FAM168A: variants seen among roughly 807,000 people sequenced by gnomAD.
FAM168A encodes protein FAM168A.
Under a neutral mutation model 28.5 loss-of-function variants are expected in FAM168A, and 3 were observed. That is an observed-to-expected ratio of 0.11 (90% CI 0.05 to 0.27). The LOEUF (loss-of-function observed/expected upper bound fraction) is 0.27. Among genes scored for constraint, FAM168A ranks in the 10% least tolerant of loss-of-function variants. FAM168A has a pLI of 1.00. For synonymous variants in FAM168A, 122 were observed against 124.2 expected (o/e 0.98, Z 0.12); for missense variants, 222 against 311.5 (o/e 0.71, Z 2.16).
chr11:73,540,870 T>C (rs1943645003), intron 1 of FAM168A, among the ~76,000 whole-genome samples: 1 of 152,190 alleles, frequency 6.6e-6, no homozygotes, highest in African/African-American at 2.4e-5. Flanking sequence ...CTTTGAGCAG[T>C]GACCACTAGA....
At chr11:73,569,693 G>A (rs1002517004) in intron 1 of FAM168A, among the ~76,000 whole-genome samples, 16 of 151,914 alleles carry the variant, frequency 1.1e-4, no homozygotes, top group African/African-American at 2.9e-4. Flanking sequence ...GTGGTGATGC[G>A]CACCTGTGGT....
intron 1 of FAM168A, among the ~76,000 whole-genome samples, chr11:73,520,942 G>C (rs1263804823): frequency 6.6e-6 from 1 of 151,812 alleles, no homozygotes; most frequent in Non-Finnish European, 1.5e-5. Flanking sequence ...CGGGTTCCAG[G>C]AAACCACCTC....
At chr11:73,561,286 A>C (rs1943955690) in intron 1 of FAM168A, among the ~76,000 whole-genome samples, 1 of 152,030 alleles carries the variant, frequency 6.6e-6, no homozygotes, top group Non-Finnish European at 1.5e-5. Flanking sequence ...GAGGCAGGAG[A>C]ATCGCTTCAA....
chr11:73,445,090 T>G (rs1463961710), intron 2 of FAM168A, among the ~76,000 whole-genome samples: 2 of 152,088 alleles, frequency 1.3e-5, no homozygotes, highest in African/African-American at 4.8e-5. Flanking sequence ...AGAAACCCTG[T>G]CTCTACTAAA....
chr11:73,535,583 C>T (rs12788388), intron 1 of FAM168A, among the ~76,000 whole-genome samples: 27 of 151,816 alleles, frequency 1.8e-4, no homozygotes, highest in Non-Finnish European at 3.7e-4. Context: ...CCACACCCGG[C>T]TAATTTTTTG....
chr11:73,434,314 T>C (rs548143251), intron 2 of FAM168A, among the ~76,000 whole-genome samples: 9 of 152,210 alleles, frequency 5.9e-5, no homozygotes, highest in Non-Finnish European at 1.0e-4. Flanking sequence ...ATATTAAACA[T>C]AAAGTCTTCA....
At chr11:73,414,103 G>C (rs1866661070) in intron 4 of FAM168A, among the ~76,000 whole-genome samples, 1 of 152,110 alleles carries the variant, frequency 6.6e-6, no homozygotes, top group Non-Finnish European at 1.5e-5. Flanking sequence ...CTCTAAGATG[G>C]GAGTATGTAC....
intron 2 of FAM168A, among the ~76,000 whole-genome samples, chr11:73,437,552 T>C (rs919872347): frequency 6.6e-6 from 1 of 151,664 alleles, no homozygotes; most frequent in Non-Finnish European, 1.5e-5. Context: ...CTAATGATGG[T>C]ATGCTCAGAA....
intron 1 of FAM168A, among the ~76,000 whole-genome samples, chr11:73,562,099 C>G (rs980216786): frequency 6.6e-6 from 1 of 151,980 alleles, no homozygotes; most frequent in African/African-American, 2.4e-5. Context: ...CACGCCACCA[C>G]GTCCAGCTAA....
chr11:73,538,300 T>C (rs1471253946), intron 1 of FAM168A, among the ~76,000 whole-genome samples: 12 of 148,458 alleles, frequency 8.1e-5, no homozygotes, highest in Non-Finnish European at 1.8e-4. Flanking sequence ...AAAGGACAAA[T>C]TAAAAACTTG....
chr11:73,478,283 T>TA (rs1867919718), intron 1 of FAM168A, among the ~76,000 whole-genome samples: 1 of 152,108 alleles, frequency 6.6e-6, no homozygotes, highest in African/African-American at 2.4e-5. Context: ...ACAATATCAA[T>TA]AAAAAGGAAC....
chr11:73,519,927 G>A (rs1168644777), intron 1 of FAM168A, among the ~76,000 whole-genome samples: 1 of 151,888 alleles, frequency 6.6e-6, no homozygotes, highest in Non-Finnish European at 1.5e-5. Context: ...CTCCTGAGTA[G>A]CTGAGACTAC....
At chr11:73,467,458 A>G (rs895691844) in intron 2 of FAM168A, among the ~76,000 whole-genome samples, 3 of 151,990 alleles carry the variant, frequency 2.0e-5, no homozygotes, top group African/African-American at 7.3e-5. Flanking sequence ...ACCGAGTCCT[A>G]CTATGTGCCA....
intron 1 of FAM168A, among the ~76,000 whole-genome samples, chr11:73,497,876 A>G (rs1307075091): frequency 1.3e-5 from 2 of 152,216 alleles, no homozygotes; most frequent in Admixed American, 1.3e-4. Context: ...CGTTAGGCAC[A>G]TGTACCCTAG....
chr11:73,514,588 T>C (rs973583854), intron 1 of FAM168A, among the ~76,000 whole-genome samples: 1 of 152,074 alleles, frequency 6.6e-6, no homozygotes, highest in Non-Finnish European at 1.5e-5. Context: ...ATCCCAACAC[T>C]TGGGAGGCCA....
chr11:73,421,134 G>A (rs964195541), intron 3 of FAM168A, among the ~76,000 whole-genome samples: 6 of 151,990 alleles, frequency 3.9e-5, no homozygotes, highest in African/African-American at 1.5e-4. Flanking sequence ...GGCTGCATTG[G>A]CAATACTTAA....
intron 1 of FAM168A, among the ~76,000 whole-genome samples, chr11:73,585,426 T>C (rs1415919728): frequency 3.3e-5 from 5 of 152,224 alleles, no homozygotes; most frequent in African/African-American, 1.2e-4. Flanking sequence ...CAAGGTCTCA[T>C]AGCTATTAAG....
intron 1 of FAM168A, among the ~76,000 whole-genome samples, chr11:73,529,146 T>A (rs1485297726): frequency 6.6e-6 from 1 of 152,222 alleles, no homozygotes; most frequent in Non-Finnish European, 1.5e-5. Flanking sequence ...TGCATTGTTG[T>A]TGCTTGCCCA....
intron 3 of FAM168A, among the ~76,000 whole-genome samples, chr11:73,422,017 C>A (rs1406977081): frequency 6.6e-6 from 1 of 152,104 alleles, no homozygotes; most frequent in African/African-American, 2.4e-5. Flanking sequence ...AAGAGTAAAT[C>A]ATTCTTTTAT....
Sources: gnomAD v4.1 joint callset for allele counts (sites outside exome capture counted in the v4.1 genomes callset) on GRCh38, gnomAD v4.1.1 for gene constraint, MANE v1.5 for transcripts, NCBI Gene and HGNC (gene_info 2026-07-23, HGNC 2026-07-21) for gene names.